The following SVIL variants were observed in gnomAD, a reference collection of about 807,000 sequenced individuals.
SVIL encodes archvillin.
In SVIL, 101 loss-of-function variants were observed where a neutral mutation model predicts 240.4. The observed-to-expected ratio is 0.42, with a 90% CI of 0.36 to 0.50. The LOEUF is 0.50. Ranked by LOEUF, SVIL falls within the 20% of genes least tolerant of loss-of-function variation. The pLI is 0.01. For missense variants in SVIL, 2,512 were observed against 2,818.7 expected, an observed-to-expected ratio of 0.89 and a Z score of 2.46; for synonymous variants, 999 against 1,100.0, an observed-to-expected ratio of 0.91 and a Z score of 1.82.
intron 1 of SVIL, among the ~76,000 whole-genome samples, chr10:29,717,232 C>CAAAAAAAAAAAAAAAAAAA (rs71023503): frequency 2.6e-5 from 1 of 38,298 alleles, no homozygotes; most frequent in Non-Finnish European, 4.6e-5. Flanking sequence ...GACTCTCTCT[C>CAAAAAAAAAAAAAAAAAAA]AAAAAAAAAA....
At chr10:29,585,796 A>G (rs1176975712) in intron 1 of SVIL, among the ~76,000 whole-genome samples, 1 of 152,228 alleles carries the variant, frequency 6.6e-6, no homozygotes, top group Admixed American at 6.5e-5. Flanking sequence ...AGCAGTCAGG[A>G]GTCAGAGTGA....
chr10:29,652,821 A>G (rs913715879), intron 3 of SVIL, among the ~76,000 whole-genome samples: 1 of 152,160 alleles, frequency 6.6e-6, no homozygotes, highest in Non-Finnish European at 1.5e-5. Context: ...TGTGCTTAAT[A>G]GTTATTAGCA....
In SVIL at chr10:29,488,587, C is replaced by G; in HGVS notation, c.4348+14G>C. ...ACGGGCCCTGAGTCACCGTGCCAGG[C>G]TGCTCTGAAATACCTTTAATCTGCA... is the stretch of plus-strand genomic sequence containing the variant. On this transcript the variant is annotated intron_variant, in intron 23 of 37. Coordinates refer to ENST00000355867, the MANE Select transcript of SVIL (RefSeq NM_021738.3). 1 of 1,570,240 alleles carries G rather than the reference C, an allele frequency of 6.4e-7. No individual in the cohort carries two copies. Among genetic ancestry groups the G allele is most frequent in the Non-Finnish European group, 8.6e-7 (1 of 1,162,050 alleles).
intron 17 of SVIL, among the ~76,000 whole-genome samples, chr10:29,502,348 A>G (rs1948958526): frequency 6.6e-6 from 1 of 152,222 alleles, no homozygotes; most frequent in South Asian, 2.1e-4. Context: ...ATGTGAGAAC[A>G]AAGAAGATAT....
chr10:29,664,335 A>G (rs1244786649), intron 2 of SVIL, among the ~76,000 whole-genome samples: 1 of 152,200 alleles, frequency 6.6e-6, no homozygotes, highest in Non-Finnish European at 1.5e-5. Flanking sequence ...AAATGAATAA[A>G]TAAGTAGCAA....
Position 29,480,557 on chromosome 10 carries a change from T to G in SVIL, c.5357A>C (p.Lys1786Thr). ...HEGDAYVVKW[K>T]FMVSTAVGSR... is the part of the protein sequence containing the mutation. The stretch of plus-strand genomic sequence containing the variant: ...CTAACCTGCCGTGCTCACCATGAAC[T>G]TCCACTTGACCACATAGGCATCCCC... Residue 1786 changes from lysine to threonine, a missense_variant, in exon 29 of 38, where the codon AAG (lysine) becomes ACG (threonine). Transcript: ENST00000355867. 6.2e-7 allele frequency: 1 copy of G among 1,613,192 alleles called. No individual in the cohort carries two copies. Among genetic ancestry groups the G allele is most frequent in the South Asian group, 1.1e-5 (1 of 91,050 alleles).
chr10:29,523,342 TG>T, intron 15 of SVIL, 108 bp downstream of exon 15: 1 of 997,020 alleles, frequency 1.0e-6, no homozygotes, highest in Non-Finnish European at 1.4e-6. Context: ...CAATACTAGC[TG>T]TAAACTGCCT....
chr10:29,680,474 G>A (rs1347422041), intron 2 of SVIL, among the ~76,000 whole-genome samples: 1 of 152,244 alleles, frequency 6.6e-6, no homozygotes, highest in Admixed American at 6.5e-5. Flanking sequence ...TGGCGCATGG[G>A]CAGGGGGCCG....
chr10:29,631,620 C>A (rs576918108), intron 1 of SVIL, among the ~76,000 whole-genome samples: 13 of 151,906 alleles, frequency 8.6e-5, no homozygotes, highest in Non-Finnish European at 1.9e-4. Flanking sequence ...ACTAAATATA[C>A]AAGAATTAGC....
At chr10:29,610,660 A>T (rs1040106416) in intron 1 of SVIL, among the ~76,000 whole-genome samples, 8 of 152,050 alleles carry the variant, frequency 5.3e-5, no homozygotes, top group Admixed American at 2.6e-4. Flanking sequence ...GCCTCAAATG[A>T]TCCTCCTGCC....
intron 29 of SVIL, among the ~76,000 whole-genome samples, chr10:29,475,979 G>C (rs545569047): frequency 6.6e-6 from 1 of 152,130 alleles, no homozygotes; most frequent in Non-Finnish European, 1.5e-5. Context: ...CATAGGTTTC[G>C]TAAATGATTC....
chr10:29,462,009 A>G (rs1564445439), intron 36 of SVIL, among the ~76,000 whole-genome samples: 1 of 152,228 alleles, frequency 6.6e-6, no homozygotes. Flanking sequence ...TTATGTACAT[A>G]TATAGTCCTC....
chr10:29,523,318 G>A (rs1035649731), intron 15 of SVIL, 133 bp downstream of exon 15: 8 of 779,086 alleles, frequency 1.0e-5, no homozygotes, highest in Admixed American at 3.2e-5. Context: ...TAGGATTCCC[G>A]CTGAACTTTT....
rs1404927796 is a variant in SVIL at position 29,532,628 on chromosome 10, C to T, written c.1739G>A (p.Gly580Glu). The change falls in exon 8 of 38, where the codon GGG (glycine) becomes GAG (glutamate). Residue 580 changes from glycine (G) to glutamate (E), a missense_variant. Around this residue, in one of 3 missense-constraint regions of SVIL, gnomAD observed 1,443 missense variants for 1,486.6 expected, o/e 0.97. Coordinates refer to ENST00000355867, the MANE Select transcript of SVIL (RefSeq NM_021738.3). ...ELELPSSKTE[G>E]PYGEISMLDT... is the part of the protein sequence containing the mutation. ...CAGCATGCTGATCTCCCCATAAGGC[C>T]CTTCGGTCTTGGAGCTGGGCAGCTC... The T allele has an allele frequency of 6.2e-7, 1 of 1,614,076 alleles. No homozygotes were observed. The highest frequency in any genetic ancestry group is 1.7e-5 in the Admixed American group (1 of 60,016).
chr10:29,493,139 G>A (rs1471765156), intron 21 of SVIL, 75 bp downstream of exon 21: 21 of 1,483,390 alleles, frequency 1.4e-5, no homozygotes, highest in African/African-American at 4.2e-5. Context: ...TGGGGGAAAA[G>A]CCTCATGGAT....
At chr10:29,700,077 C>A (rs551632377) in intron 1 of SVIL, among the ~76,000 whole-genome samples, 1 of 152,118 alleles carries the variant, frequency 6.6e-6, no homozygotes, top group Non-Finnish European at 1.5e-5. Context: ...AAAACATAGA[C>A]GAAATAAATG....
At chr10:29,656,179 GTT>G (rs77791451) in intron 3 of SVIL, among the ~76,000 whole-genome samples, 2 of 142,148 alleles carry the variant, frequency 1.4e-5, no homozygotes, top group Non-Finnish European at 3.1e-5. Flanking sequence ...GAGTGTGAGT[GTT>G]TTTTTTTTTT....
At chr10:29,667,435 C>T (rs993056161) in intron 2 of SVIL, among the ~76,000 whole-genome samples, 7 of 152,202 alleles carry the variant, frequency 4.6e-5, no homozygotes, top group Admixed American at 1.3e-4. Context: ...AAACAGCAGT[C>T]GTTGCCAGAA....
chr10:29,687,330 C>G (rs1294790151), intron 1 of SVIL, among the ~76,000 whole-genome samples: 1 of 152,122 alleles, frequency 6.6e-6, no homozygotes, highest in African/African-American at 2.4e-5. Context: ...TCCCTTTTTT[C>G]TCTTCAAACA....
Sources: allele counts gnomAD v4.1 joint callset (sites outside exome capture counted in the v4.1 genomes callset), GRCh38; gene constraint gnomAD v4.1.1; regional missense constraint gnomAD v4.1.1; transcripts MANE v1.5; gene names NCBI Gene and HGNC (gene_info 2026-07-23, HGNC 2026-07-21).